Variants in ZNF774 observed in about 807,000 individuals in gnomAD.
ZNF774 encodes zinc finger protein 774.
A neutral mutation model predicts 11.1 loss-of-function variants in ZNF774; 14 were observed. The ratio of observed to expected loss-of-function variants is 1.26; its 90% CI spans 0.83 to 1.97. The LOEUF is 1.97. Ranked by LOEUF, ZNF774 falls within the 30% of genes most tolerant of loss-of-function variation. The probability of loss-of-function intolerance (pLI) is 0.00; values close to 1 mark genes in which losing one functional copy is unlikely to be tolerated. For synonymous variants in ZNF774, 195 were observed against 212.6 expected (o/e 0.92, Z 0.72); for missense variants, 599 against 587.0 (o/e 1.02, Z -0.21).
chr15:90,359,257 A>G (rs1345932284), intron 3 of ZNF774, among the ~76,000 whole-genome samples: 2 of 147,178 alleles, frequency 1.4e-5, no homozygotes, highest in Non-Finnish European at 3.0e-5. Flanking sequence ...TATTTTTAGT[A>G]GAGACGGGGT....
rs59687959 is a variant in ZNF774, at chr15:90,362,748, TACACACACAC to T, written c.*1494_*1503del. 45,815 of 489,120 alleles carry T rather than the reference TACACACACAC, an allele frequency of 0.094. 1,576 individuals carry two copies. The highest frequency in any genetic ancestry group is 0.19 in the African/African-American group (9,432 of 50,706). 30.3% of individuals were successfully genotyped at this position (489,120 alleles called of 1,614,324 possible). A position where few individuals can be genotyped will look rare whatever the true frequency, so the allele number is the denominator to read the frequency against. On this transcript the variant is annotated 3_prime_UTR_variant, in exon 4 of 4. Coordinates refer to ENST00000354377, the MANE Select transcript of ZNF774 (RefSeq NM_001004309.3). Reference sequence around the variant, plus strand: ...CAAGGTTGTTGTGAGGATCTAAAAATACACACACACACACACACACACACACACACACACA... The same window carrying T: ...CAAGGTTGTTGTGAGGATCTAAAAATACACACACACACACACACACACACA...
rs779146486 is a variant in ZNF774 at position 90,361,308 on chromosome 15, C to T, written c.*25C>T. ...GGAAGTAGTCTTTGGTGTTCAGCTGCTCCCTTGCACATTTTCATTGCTACT... is the reference window on the plus strand; with the variant it reads ...GGAAGTAGTCTTTGGTGTTCAGCTGTTCCCTTGCACATTTTCATTGCTACT... On this transcript the variant is annotated 3_prime_UTR_variant, in exon 4 of 4. Coordinates refer to ENST00000354377, the MANE Select transcript of ZNF774 (RefSeq NM_001004309.3). 6.4e-7 allele frequency: 1 copy of T among 1,550,896 alleles called. No homozygotes were observed. Among genetic ancestry groups the T allele is most frequent in the East Asian group, 2.3e-5 (1 of 44,380 alleles).
intron 2 of ZNF774, among the ~76,000 whole-genome samples, chr15:90,358,163 G>C (rs1964273790): frequency 6.6e-6 from 1 of 152,116 alleles, no homozygotes; most frequent in Admixed American, 6.6e-5. Flanking sequence ...TGGGATTATA[G>C]GTGTGAGCCA....
rs758844176 is a variant in ZNF774, at chr15:90,360,497, C to A, written c.666C>A (p.Leu222=). ...CEKKFSDSST[L]IKHQRTHTGE... is the part of the protein sequence containing the mutation. ...AGAAATTCAGCGACAGCTCAACACT[C>A]ATCAAACATCAGAGAACCCACACAG... is the stretch of plus-strand genomic sequence containing the variant. Residue 222 remains leucine, a synonymous_variant, in exon 4 of 4, where the codon CTC becomes CTA. Transcript: ENST00000354377. 1 of 1,614,000 alleles carries A rather than the reference C, an allele frequency of 6.2e-7. No individual in the cohort carries two copies. Among genetic ancestry groups the A allele is most frequent in the Non-Finnish European group, 8.5e-7 (1 of 1,180,038 alleles).
rs1964302532 is a variant in ZNF774, at chr15:90,359,978, G to A, written c.212-65G>A. 17 of 1,500,626 alleles carry A rather than the reference G, an allele frequency of 1.1e-5. No homozygotes were observed. In the South Asian group the frequency reaches 2.3e-4, roughly 20 times the overall value. 93.0% of individuals were successfully genotyped at this position (1,500,626 alleles called of 1,614,324 possible). A position where few individuals can be genotyped will look rare whatever the true frequency, so the allele number is the denominator to read the frequency against. On this transcript the variant is annotated intron_variant, in intron 3 of 3. Coordinates refer to ENST00000354377, the MANE Select transcript of ZNF774 (RefSeq NM_001004309.3). ...AACAGGGATTTTAATCTTTGTCACT[G>A]CTTTCTGATATTCCTTCCTGATAAC...
rs901086083 is a variant in ZNF774, at chr15:90,358,727, A to G, written c.105-124A>G. The G allele has an allele frequency of 1.8e-5, 11 of 608,582 alleles. No individual in the cohort carries two copies. The African/African-American group carries it at 2.1e-4, about 12-fold the overall frequency. 37.7% of individuals were successfully genotyped at this position (608,582 alleles called of 1,614,324 possible). A position where few individuals can be genotyped will look rare whatever the true frequency, so the allele number is the denominator to read the frequency against. The stretch of plus-strand genomic sequence containing the variant: ...ACCATGGCTGCACTTTTTTAATGAC[A>G]CCAAATACACGTTAGAGCTCCCCAG... On this transcript the variant is annotated intron_variant, in intron 2 of 3. Transcript: ENST00000354377.
intron 1 of ZNF774, among the ~76,000 whole-genome samples, chr15:90,353,060 C>T (rs1964195794): frequency 6.6e-6 from 1 of 152,078 alleles, no homozygotes; most frequent in Admixed American, 6.5e-5. Flanking sequence ...CTCCACCTCC[C>T]GGGTTCAGGC....
At chr15:90,358,031 G>T (rs560967708) in intron 2 of ZNF774, among the ~76,000 whole-genome samples, 1 of 152,108 alleles carries the variant, frequency 6.6e-6, no homozygotes, top group East Asian at 1.9e-4. Context: ...GAGTAACTGG[G>T]ACTACAGGCC....
chr15:90,361,521 G>C lies in ZNF774; in HGVS notation c.*238G>C. 1 of 1,249,152 alleles carries C rather than the reference G, an allele frequency of 8.0e-7. No homozygotes were observed. Among genetic ancestry groups the C allele is most frequent in the Non-Finnish European group, 1.0e-6 (1 of 994,382 alleles). The allele number at this position is 1,249,152 out of a possible 1,614,324, so 77.4% of individuals were successfully genotyped here. A position where few individuals can be genotyped will look rare whatever the true frequency, so the allele number is the denominator to read the frequency against. ...CTCTTAGGGAAATGTGAGTTTAATA[G>C]TTGATGCCCGCCAGGCGTGGTGGCT... On this transcript the variant is annotated 3_prime_UTR_variant, in exon 4 of 4. Transcript: ENST00000354377.
Position 90,361,268 on chromosome 15 carries a change from C to G in ZNF774, c.1437C>G (p.Asn479Lys), listed in dbSNP as rs1331085684. ...RQKAHLLCHQ[N>K]THLI ...AAGCGCATCTTTTATGCCATCAAAA[C>G]ACCCATTTGATTTAGGAAGTAGTCT... is the stretch of plus-strand genomic sequence containing the variant. The change falls in exon 4 of 4, where the codon AAC (asparagine) becomes AAG (lysine). Residue 479 changes from asparagine to lysine, a missense_variant. By Grantham distance (94) the Asn-to-Lys change is moderately conservative. Transcript: ENST00000354377. 5.0e-6 allele frequency: 8 copies of G among 1,602,860 alleles called. No homozygotes were observed. The highest frequency in any genetic ancestry group is 6.8e-6 in the Non-Finnish European group (8 of 1,173,546).
At position 90,362,763 on chromosome 15, in the gene ZNF774, AC is replaced by A; in HGVS notation, c.*1481del. ...GATCTAAAAATACACACACACACAC[AC>A]ACACACACACACACACACACACTTT... On this transcript the variant is annotated 3_prime_UTR_variant, in exon 4 of 4. Coordinates refer to ENST00000354377, the MANE Select transcript of ZNF774 (RefSeq NM_001004309.3). 1 of 559,768 alleles carries A rather than the reference AC, an allele frequency of 1.8e-6. No individual in the cohort carries two copies. Among genetic ancestry groups the A allele is most frequent in the Non-Finnish European group, 3.2e-6 (1 of 312,424 alleles). The allele number at this position is 559,768 out of a possible 1,614,324, so 34.7% of individuals were successfully genotyped here.
chr15:90,355,141 G>C (rs1166266751), intron 2 of ZNF774, among the ~76,000 whole-genome samples: 2 of 152,202 alleles, frequency 1.3e-5, no homozygotes, highest in African/African-American at 4.8e-5. Context: ...TTGAGACTTA[G>C]ATATTTGGAG....
chr15:90,360,157 G>T lies in ZNF774; in HGVS notation c.326G>T (p.Gly109Val), dbSNP rs763350877. The T allele has an allele frequency of 5.6e-6, 9 of 1,614,178 alleles. No individual in the cohort carries two copies. The highest frequency in any genetic ancestry group is 7.6e-6 in the Non-Finnish European group (9 of 1,180,040). ...KDLSHTLSWG[G>V]NWEQGLELEG... Reference sequence around the variant, plus strand: ...CTTTCTCATACTCTTAGTTGGGGAGGAAACTGGGAGCAAGGCCTAGAATTA... The same window carrying T: ...CTTTCTCATACTCTTAGTTGGGGAGTAAACTGGGAGCAAGGCCTAGAATTA... The change falls in exon 4 of 4, where the codon GGA becomes GTA. Residue 109 changes from glycine to valine, a missense_variant. Gly to Val is a moderately radical substitution (Grantham distance 109). Coordinates refer to ENST00000354377, the MANE Select transcript of ZNF774 (RefSeq NM_001004309.3).
At chr15:90,358,180 C>A (rs1052348068) in intron 2 of ZNF774, among the ~76,000 whole-genome samples, 2 of 152,158 alleles carry the variant, frequency 1.3e-5, no homozygotes, top group Non-Finnish European at 1.5e-5. Flanking sequence ...GCCACTGAGC[C>A]TGGCCTCTTA....
In ZNF774 at chr15:90,358,862, C is replaced by T; in HGVS notation, c.116C>T (p.Pro39Leu). 6.2e-7 allele frequency: 1 copy of T among 1,612,850 alleles called. No homozygotes were observed. Among genetic ancestry groups the T allele is most frequent in the Non-Finnish European group, 8.5e-7 (1 of 1,179,274 alleles). ...ACATTCCTGTGTAGAATTTCCAGGC[C>T]TAGTGTAATCTCCCAGCCGGAGCAG... ...EEWALKGISR[P>L]SVISQPEQKE... The change falls in exon 3 of 4, where the codon CCT becomes CTT. Residue 39 changes from proline (P) to leucine (L), a missense_variant. Pro to Leu is a moderately conservative substitution (Grantham distance 98). Transcript: ENST00000354377.
At chr15:90,359,308 A>G (rs1025475318) in intron 3 of ZNF774, among the ~76,000 whole-genome samples, 1 of 150,594 alleles carries the variant, frequency 6.6e-6, no homozygotes, top group African/African-American at 2.4e-5. Flanking sequence ...TCCTGACCTC[A>G]TGATCCACCC....
intron 2 of ZNF774, 68 bp downstream of exon 2, chr15:90,354,832 T>C: frequency 1.5e-6 from 2 of 1,330,904 alleles, no homozygotes; most frequent in Non-Finnish European, 2.1e-6. Context: ...TCTCGCTCTG[T>C]CATCCAGGCT....
Position 90,362,535 on chromosome 15 carries a change from A to T in ZNF774, c.*1252A>T. The T allele has an allele frequency of 6.5e-7, 1 of 1,535,858 alleles. No homozygotes were observed. Among genetic ancestry groups the T allele is most frequent in the Non-Finnish European group, 8.7e-7 (1 of 1,146,694 alleles). ...AGTTTTAGGTTAATATAATTCTCTG[A>T]TCCTTTTAGGGCCATCCAGGTTATG... is the stretch of plus-strand genomic sequence containing the variant. On this transcript the variant is annotated 3_prime_UTR_variant, in exon 4 of 4. Coordinates refer to ENST00000354377, the MANE Select transcript of ZNF774 (RefSeq NM_001004309.3).
chr15:90,360,624 T>A lies in ZNF774; in HGVS notation c.793T>A (p.Cys265Ser). 1 of 1,614,214 alleles carries A rather than the reference T, an allele frequency of 6.2e-7. No individual in the cohort carries two copies. The highest frequency in any genetic ancestry group is 8.5e-7 in the Non-Finnish European group (1 of 1,180,044). Residue 265 changes from cysteine (C) to serine (S), a missense_variant, in exon 4 of 4, where the codon TGC becomes AGC. By Grantham distance (112) the Cys-to-Ser change is moderately radical. Transcript: ENST00000354377. ...CCACACAGGCGAGAAGCCCTACGCG[T>A]GCCTGGAATGTCACAAAAGCTTCAG... ...RTHTGEKPYA[C>S]LECHKSFSRS... is the part of the protein sequence containing the mutation.
Sources: gnomAD v4.1 joint callset for allele counts (sites outside exome capture counted in the v4.1 genomes callset) on GRCh38, gnomAD v4.1.1 for gene constraint, MANE v1.5 for transcripts, NCBI Gene and HGNC (gene_info 2026-07-23, HGNC 2026-07-21) for gene names.